The following RGN variants were observed in gnomAD, a reference collection of about 807,000 sequenced individuals.
RGN encodes epididymis secretory protein Li 41.
Under a neutral mutation model 20.6 loss-of-function variants are expected in RGN, and 19 were observed. The ratio of observed to expected loss-of-function variants is 0.92; its 90% confidence interval spans 0.64 to 1.35. The LOEUF (loss-of-function observed/expected upper bound fraction) is 1.35, where lower values mean the gene tolerates loss of function less well. Ranked by LOEUF, RGN falls within the 40% of genes most tolerant of loss-of-function variation. The probability of loss-of-function intolerance (pLI) is 0.00; values close to 1 mark genes in which losing one functional copy is unlikely to be tolerated. For missense variants in RGN, 302 were observed against 232.7 expected, an observed-to-expected ratio of 1.30 and a Z score of -1.94; for synonymous variants, 85 against 87.2, an observed-to-expected ratio of 0.97 and a Z score of 0.14.
At position 47,092,087 on chromosome X, in the gene RGN, C is replaced by G; in HGVS notation, c.721C>G (p.Pro241Ala). 1 of 1,206,999 alleles carries G rather than the reference C, an allele frequency of 8.3e-7. No individual in the cohort carries two copies. The highest frequency in any genetic ancestry group is 1.1e-6 in the Non-Finnish European group (1 of 891,983). ...TGKRLQTVKL[P>A]VDKTTSCCFG... ...GAAAAGACTTCAAACTGTGAAGTTG[C>G]CTGTTGATAAAACAACTTCATGCTG... The change falls in exon 7 of 8, where the codon CCT becomes GCT. Residue 241 changes from proline (P) to alanine (A), a missense_variant. By Grantham distance (27) the Pro-to-Ala change is conservative. Transcript: ENST00000397180.
In RGN at chrX:47,092,180, C is replaced by A; in HGVS notation, c.814C>A (p.Leu272Ile). 1 of 1,190,337 alleles carries A rather than the reference C, an allele frequency of 8.4e-7. No individual in the cohort carries two copies. The highest frequency in any genetic ancestry group is 3.0e-5 in the East Asian group (1 of 32,803). Residue 272 changes from leucine to isoleucine, a missense_variant, in exon 7 of 8, where the codon CTT becomes ATT. Leu to Ile is a conservative substitution (Grantham distance 5). Coordinates refer to ENST00000397180, the MANE Select transcript of RGN (RefSeq NM_152869.4). ...CARDGMDPEG[L>I]LRQPEAGGIF... ...CCGGGATGGGATGGACCCCGAGGGT[C>A]TTTTGAGGCAACCTGAAGCTGGTGG...
At position 47,078,585 on chromosome X, in the gene RGN, T is replaced by C; in HGVS notation, c.-760T>C. The C allele has an allele frequency of 8.8e-6, 1 of 114,061 alleles. No individual in the cohort carries two copies. The highest frequency in any genetic ancestry group is 1.9e-5 in the Non-Finnish European group (1 of 53,557). The allele number at this position is 114,061 out of a possible 1,213,427, so 9.4% of individuals were successfully genotyped here. A position where few individuals can be genotyped will look rare whatever the true frequency, so the allele number is the denominator to read the frequency against. On this transcript the variant is annotated 5_prime_UTR_variant, in exon 1 of 8. Coordinates refer to ENST00000397180, the MANE Select transcript of RGN (RefSeq NM_152869.4). ...TGGCTGGTGCGCCCTCTGCAAAGCC[T>C]GCGCCAGGGAGGAGGCAGGCTCAAC...
At chrX:47,079,198 G>A (rs1312534680) in intron 1 of RGN, among the ~76,000 whole-genome samples, 1 of 108,872 alleles carries the variant, frequency 9.2e-6, no homozygotes, top group African/African-American at 3.3e-5. Context: ...TGACCTCAAT[G>A]TTCCTCCCAC....
intron 4 of RGN, among the ~76,000 whole-genome samples, chrX:47,086,404 G>GTTGTTATAAGCAAT (rs1569540304): frequency 1.8e-5 from 2 of 111,366 alleles, no homozygotes; most frequent in East Asian, 5.6e-4. Context: ...ATTTGTGGGG[G>GTTGTTATAAGCAAT]TTGTTAGTTA....
intron 7 of RGN, among the ~76,000 whole-genome samples, chrX:47,092,464 A>C (rs1469007840): frequency 8.9e-6 from 1 of 112,188 alleles, no homozygotes; most frequent in Admixed American, 9.6e-5. Flanking sequence ...GAAATTCTTC[A>C]GATCAGTAGA....
intron 3 of RGN, among the ~76,000 whole-genome samples, chrX:47,083,200 G>C (rs1190488474): frequency 1.0e-4 from 11 of 110,447 alleles, no homozygotes; most frequent in African/African-American, 3.6e-4. Flanking sequence ...AGGAGTTCAA[G>C]ACCAGCCTGA....
intron 3 of RGN, 104 bp from the exon 4 acceptor site, chrX:47,084,314 G>A (rs1443406362): frequency 2.2e-5 from 15 of 671,513 alleles, no homozygotes; most frequent in Admixed American, 4.2e-5. Flanking sequence ...CCATTGTCAC[G>A]AGAGCTGGGC....
intron 4 of RGN, among the ~76,000 whole-genome samples, chrX:47,089,132 C>T (rs1257840946): frequency 3.1e-5 from 1 of 32,688 alleles, no homozygotes; most frequent in Non-Finnish European, 7.0e-5. Flanking sequence ...GAGGTGGAGG[C>T]TGCATGAGCC....
intron 4 of RGN, chrX:47,087,389 A>C (rs1379338457): frequency 9.0e-6 from 1 of 111,556 alleles, no homozygotes; most frequent in Admixed American, 9.7e-5. Context: ...TAAAGATGAG[A>C]ATCTGTTGGA....
intron 3 of RGN, 56 bp from the exon 4 acceptor site, chrX:47,084,362 A>C: frequency 9.6e-7 from 1 of 1,036,744 alleles, no homozygotes; most frequent in Non-Finnish European, 1.3e-6. Flanking sequence ...CAGTGATCTC[A>C]GTGGCCTCAG....
In RGN at chrX:47,081,326, C is replaced by G. The variant is rs1300394810; in HGVS notation, c.163+19C>G. 4.8e-5 allele frequency: 58 copies of G among 1,200,333 alleles called. No homozygotes were observed. Among genetic ancestry groups the G allele is most frequent in the Non-Finnish European group, 6.3e-5 (56 of 888,514 alleles). ...ACCATGGGTAAGGATGAAGGCTGGA[C>G]TCAGATCAGCCAGCTACCTTTTCCC... is the stretch of plus-strand genomic sequence containing the variant. On this transcript the variant is annotated intron_variant, in intron 3 of 7. Coordinates refer to ENST00000397180, the MANE Select transcript of RGN (RefSeq NM_152869.4).
At chrX:47,088,666 T>C (rs1374536426) in intron 4 of RGN, among the ~76,000 whole-genome samples, 2 of 109,755 alleles carry the variant, frequency 1.8e-5, no homozygotes, top group African/African-American at 3.3e-5. Context: ...GCGCGGTGGC[T>C]CAAGCCTATA....
rs1931080984 is a variant in RGN, at chrX:47,093,004, C to G, written c.*57C>G. The stretch of plus-strand genomic sequence containing the variant: ...CTGAAGACAACTAGAGAATTCTGGG[C>G]CTGAAATTTCAATCTAGTTAGAAAG... On this transcript the variant is annotated 3_prime_UTR_variant, in exon 8 of 8. Coordinates refer to ENST00000397180, the MANE Select transcript of RGN (RefSeq NM_152869.4). 2 of 928,219 alleles carry G rather than the reference C, an allele frequency of 2.2e-6. No homozygotes were observed. Among genetic ancestry groups the G allele is most frequent in the Non-Finnish European group, 3.0e-6 (2 of 658,552 alleles). 76.5% of individuals were successfully genotyped at this position (928,219 alleles called of 1,213,427 possible). A position where few individuals can be genotyped will look rare whatever the true frequency, so the allele number is the denominator to read the frequency against.
At chrX:47,089,726 A>T in intron 4 of RGN, 50 bp from the exon 5 acceptor site, 1 of 967,972 alleles carries the variant, frequency 1.0e-6, no homozygotes. Flanking sequence ...GGTGTCGTGC[A>T]TGGGGTAAGA....
In RGN at chrX:47,089,905, C is replaced by T. The variant is rs1458707360; in HGVS notation, c.476C>T (p.Ser159Leu). 2 of 1,205,947 alleles carry T rather than the reference C, an allele frequency of 1.7e-6. No homozygotes were observed. The highest frequency in any genetic ancestry group is 1.8e-5 in the South Asian group (1 of 56,577). ...GACATTTCCAATGGTTTGGATTGGT[C>T]GCTAGACCACAAAATCTTCTATTAC... The part of the protein sequence containing the change: ...QVDISNGLDW[S>L]LDHKIFYYID... Residue 159 changes from serine (S) to leucine (L), a missense_variant, in exon 5 of 8, where the codon TCG (serine) becomes TTG (leucine). Transcript: ENST00000397180.
At position 47,084,487 on chromosome X, in the gene RGN, G is replaced by A; in HGVS notation, c.233G>A (p.Cys78Tyr). Residue 78 changes from cysteine (C) to tyrosine (Y), a missense_variant, in exon 4 of 8, where the codon TGT (cysteine) becomes TAT (tyrosine). Cys to Tyr is a radical substitution (Grantham distance 194). Transcript: ENST00000397180. ...GTTGCCACCATTGGAACAAAGTTCT[G>A]TGCTTTGAACTGGAAAGAACAATCA... is the stretch of plus-strand genomic sequence containing the variant. ...GYVATIGTKF[C>Y]ALNWKEQSAV... 1.7e-6 allele frequency: 2 copies of A among 1,206,421 alleles called. No individual in the cohort carries two copies. The highest frequency in any genetic ancestry group is 3.6e-5 in the South Asian group (2 of 55,798).
intron 1 of RGN, among the ~76,000 whole-genome samples, chrX:47,079,379 G>T (rs1249483203): frequency 8.4e-5 from 9 of 107,686 alleles, no homozygotes; most frequent in South Asian, 4.0e-4. Context: ...TTTTGTTTTG[G>T]TTTGGTTTGG....
At position 47,079,364 on chromosome X, in the gene RGN, T is replaced by TG. The variant is rs782064656; in HGVS notation, c.-636+655_-636+656insG. Among the ~76,000 whole-genome samples, 486 of 99,991 alleles carry TG rather than the reference T, an allele frequency of 4.9e-3. 4 individuals carry two copies. The highest frequency in any genetic ancestry group is 0.017 in the African/African-American group (454 of 26,384). 86.8% of individuals were successfully genotyped at this position (99,991 alleles called of 115,157 possible). A position where few individuals can be genotyped will look rare whatever the true frequency, so the allele number is the denominator to read the frequency against. On this transcript the variant is annotated intron_variant, in intron 1 of 7. Coordinates refer to ENST00000397180, the MANE Select transcript of RGN (RefSeq NM_152869.4). ...CTGAGGTTTTTTTGTTTGTTTTTTT[T>TG]TTTGTTTTGTTTTGGTTTGGTTTGG...
chrX:47,085,823 A>G (rs1930564304), intron 4 of RGN, among the ~76,000 whole-genome samples: 1 of 111,479 alleles, frequency 9.0e-6, no homozygotes. Flanking sequence ...TGTATATCCT[A>G]TGTGCCTTTA....
Sources: allele counts gnomAD v4.1 joint callset (sites outside exome capture counted in the v4.1 genomes callset), GRCh38; gene constraint gnomAD v4.1.1; transcripts MANE v1.5; gene names NCBI Gene and HGNC (gene_info 2026-07-23, HGNC 2026-07-21).